Variants in DRC8 observed in about 807,000 individuals in gnomAD.
The protein encoded by DRC8 is dynein regulatory complex protein 8.
At chr1:245,087,116 C>T in the DRC8 span, 8 of 1,351,968 alleles carry the variant, frequency 5.9e-6, no homozygotes, top group Admixed American at 1.6e-4. Context: ...CCTGGCTCTA[C>T]AGCTCCAGGG....
the DRC8 span, among the ~76,000 whole-genome samples, chr1:245,109,333 G>A: frequency 6.6e-6 from 1 of 152,128 alleles, no homozygotes; most frequent in East Asian, 1.9e-4. Context: ...GGCTAGAGAG[G>A]GGCACAGATG....
chr1:245,038,252 C>T, the DRC8 span, among the ~76,000 whole-genome samples: 5 of 152,250 alleles, frequency 3.3e-5, no homozygotes, highest in Admixed American at 1.3e-4. Flanking sequence ...AAGCAGATCA[C>T]GAGGTCAGGA....
chr1:245,041,936 G>A, the DRC8 span, among the ~76,000 whole-genome samples: 620 of 152,290 alleles, frequency 4.1e-3, 5 homozygotes, highest in Non-Finnish European at 7.2e-3. Context: ...CTCCGGAACC[G>A]AGAAAATCAA....
chr1:245,068,218 A>G, the DRC8 span, among the ~76,000 whole-genome samples: 34 of 152,338 alleles, frequency 2.2e-4, no homozygotes, highest in Non-Finnish European at 1.5e-4. Flanking sequence ...GTGTTTTTAT[A>G]TAGAACAGAA....
chr1:245,053,912 G>A, the DRC8 span, among the ~76,000 whole-genome samples: 1 of 152,066 alleles, frequency 6.6e-6, no homozygotes, highest in Non-Finnish European at 1.5e-5. Context: ...GACCTAGGAT[G>A]GGGGTGGCTG....
At chr1:245,038,209 A>T in the DRC8 span, among the ~76,000 whole-genome samples, 2 of 152,196 alleles carry the variant, frequency 1.3e-5, no homozygotes, top group East Asian at 3.8e-4. Context: ...GGTGGCTCAC[A>T]CCTGTAATCC....
At chr1:244,970,038 C>T in the DRC8 span, 34 of 614,308 alleles carry the variant, frequency 5.5e-5, no homozygotes, top group Admixed American at 2.0e-4. Context: ...CAGGAGGGGG[C>T]GAGGGGTGTG....
the DRC8 span, among the ~76,000 whole-genome samples, chr1:245,011,179 T>C: frequency 6.6e-6 from 1 of 152,328 alleles, no homozygotes; most frequent in South Asian, 2.1e-4. Context: ...TTAAATAATT[T>C]GTAGATGAAA....
the DRC8 span, among the ~76,000 whole-genome samples, chr1:245,042,271 A>G: frequency 1.1e-4 from 16 of 152,336 alleles, no homozygotes; most frequent in East Asian, 3.1e-3. Context: ...TTAATGATAT[A>G]CAGGAGATCC....
chr1:245,090,537 G>A, the DRC8 span, among the ~76,000 whole-genome samples: 1 of 152,180 alleles, frequency 6.6e-6, no homozygotes, highest in Admixed American at 6.5e-5. Context: ...CGGTGCAGGT[G>A]CTATTAAGTT....
the DRC8 span, among the ~76,000 whole-genome samples, chr1:244,984,745 G>A: frequency 6.6e-6 from 1 of 151,316 alleles, no homozygotes; most frequent in East Asian, 2.0e-4. Context: ...TGAGGCAGGA[G>A]AATCGCTTGA....
chr1:244,981,670 G>A, the DRC8 span, among the ~76,000 whole-genome samples: 2 of 152,158 alleles, frequency 1.3e-5, no homozygotes, highest in African/African-American at 2.4e-5. Context: ...TGACAAATTG[G>A]TGGAGGCTGC....
chr1:245,033,588 A>G, the DRC8 span, among the ~76,000 whole-genome samples: 2 of 152,160 alleles, frequency 1.3e-5, no homozygotes, highest in African/African-American at 4.8e-5. Flanking sequence ...TCAACGTGCA[A>G]TTTGTAATTT....
chr1:244,972,961 C>CT, the DRC8 span, among the ~76,000 whole-genome samples: 1 of 152,058 alleles, frequency 6.6e-6, no homozygotes, highest in Non-Finnish European at 1.5e-5. Context: ...AGAGGATAAA[C>CT]TAAGTAGAGA....
chr1:245,042,200 G>A, the DRC8 span, among the ~76,000 whole-genome samples: 3 of 152,236 alleles, frequency 2.0e-5, no homozygotes, highest in East Asian at 5.8e-4. Context: ...AAAAGTGACC[G>A]TGTGGTTAAA....
At chr1:245,056,498 C>T in the DRC8 span, among the ~76,000 whole-genome samples, 4 of 152,198 alleles carry the variant, frequency 2.6e-5, no homozygotes, top group Admixed American at 2.0e-4. Flanking sequence ...TCACTTTCTC[C>T]TTATCTGCTC....
the DRC8 span, among the ~76,000 whole-genome samples, chr1:245,061,689 A>T: frequency 6.6e-6 from 1 of 152,262 alleles, no homozygotes; most frequent in South Asian, 2.1e-4. Flanking sequence ...ATACATGTAA[A>T]CACATTTAGA....
chr1:245,115,779 G>C, the DRC8 span, among the ~76,000 whole-genome samples: 11 of 152,290 alleles, frequency 7.2e-5, no homozygotes, highest in African/African-American at 2.6e-4. Flanking sequence ...TGGGCAAAGA[G>C]CACAGAAAAC....
At chr1:245,006,846 A>T in the DRC8 span, among the ~76,000 whole-genome samples, 2 of 151,994 alleles carry the variant, frequency 1.3e-5, no homozygotes, top group Admixed American at 6.6e-5. Context: ...AGGTGGGAGG[A>T]TCGCTTGAAC....
Sources: allele counts gnomAD v4.1 joint callset (sites outside exome capture counted in the v4.1 genomes callset), GRCh38; gene constraint gnomAD v4.1.1; transcripts MANE v1.5; gene names NCBI Gene and HGNC (gene_info 2026-07-23, HGNC 2026-07-21).